Variants in BNC2 observed in about 807,000 individuals in gnomAD.
The protein encoded by BNC2 is basonuclin zinc finger protein 2.
Under a neutral mutation model 76.3 loss-of-function variants are expected in BNC2, and 20 were observed. That is an observed-to-expected ratio of 0.26 (90% confidence interval 0.18 to 0.38). BNC2 has a LOEUF of 0.38. Ranked by LOEUF, BNC2 falls within the 10% of genes least tolerant of loss-of-function variation. The pLI is 1.00. For synonymous variants in BNC2, 582 were observed against 514.8 expected, an observed-to-expected ratio of 1.13 and a Z score of -1.77; for missense variants, 1,382 against 1,399.8, an observed-to-expected ratio of 0.99 and a Z score of 0.20.
chr9:16,658,869 A>G (rs963432713), intron 3 of BNC2, among the ~76,000 whole-genome samples: 2 of 152,174 alleles, frequency 1.3e-5, no homozygotes, highest in Non-Finnish European at 2.9e-5. Context: ...TTTTCCCTCT[A>G]AAAAGCAATG....
chr9:16,594,309 G>A (rs1670652451), intron 3 of BNC2, among the ~76,000 whole-genome samples: 2 of 152,112 alleles, frequency 1.3e-5, no homozygotes, highest in African/African-American at 4.8e-5. Context: ...GTTGTCCCAA[G>A]TTGTGCCAAA....
At chr9:16,486,882 T>C (rs1346232472) in intron 5 of BNC2, among the ~76,000 whole-genome samples, 2 of 152,058 alleles carry the variant, frequency 1.3e-5, no homozygotes, top group East Asian at 3.9e-4. Flanking sequence ...CATGACACCA[T>C]GCCTAATTTT....
In BNC2 at chr9:16,567,806, T is replaced by C. The variant is rs538480099; in HGVS notation, c.434-15041A>G. 2.6e-5 allele frequency among the ~76,000 whole-genome samples: 4 copies of C among 152,280 alleles called. No homozygotes were observed. The South Asian group carries it at 8.3e-4, about 32-fold the overall frequency. ...GTCCTGAGGTCCAGTGGAGTCCATC[T>C]AGCTGTTCAGGCATGGCAGTGTGAA... On this transcript the variant is annotated intron_variant, in intron 4 of 6. Transcript: ENST00000380672.
chr9:16,576,227 A>G (rs1819481886), intron 4 of BNC2, among the ~76,000 whole-genome samples: 1 of 152,224 alleles, frequency 6.6e-6, no homozygotes, highest in Non-Finnish European at 1.5e-5. Context: ...CTTGCTGGGA[A>G]CATTATCTCC....
At chr9:16,814,179 G>A (rs1429816327) in intron 1 of BNC2, among the ~76,000 whole-genome samples, 1 of 152,162 alleles carries the variant, frequency 6.6e-6, no homozygotes, top group Non-Finnish European at 1.5e-5. Flanking sequence ...ATAACTCCAG[G>A]CAAGAGCAAT....
chr9:16,839,851 T>A (rs554911262), intron 1 of BNC2, among the ~76,000 whole-genome samples: 1 of 152,206 alleles, frequency 6.6e-6, no homozygotes, highest in African/African-American at 2.4e-5. Flanking sequence ...GTGGTGCATG[T>A]ACCTACGTAC....
rs547792345 is a variant in BNC2 at position 16,437,694 on chromosome 9, T to C, written c.670-170A>G. ...AGTCAACCCACAAAGCAAACTTTTC[T>C]GCCATGCAAATGTAGTAATTAGAGT... On this transcript the variant is annotated intron_variant, in intron 5 of 6. Transcript: ENST00000380672. Among the ~76,000 whole-genome samples, 400 of 152,334 alleles carry C rather than the reference T, an allele frequency of 2.6e-3. 3 individuals are homozygous for C. Among genetic ancestry groups the C allele is most frequent in the African/African-American group, 9.2e-3 (382 of 41,568 alleles).
intron 3 of BNC2, among the ~76,000 whole-genome samples, chr9:16,590,444 C>G (rs531842149): frequency 6.6e-6 from 1 of 151,868 alleles, no homozygotes; most frequent in African/African-American, 2.4e-5. Flanking sequence ...CCACCTGCCT[C>G]GGCCTCCCAA....
intron 3 of BNC2, among the ~76,000 whole-genome samples, chr9:16,673,735 T>C (rs1822554963): frequency 6.6e-6 from 1 of 152,238 alleles, no homozygotes. Flanking sequence ...TTGACTGTTC[T>C]AATTAATTTC....
At chr9:16,704,810 T>G (rs1823617137) in intron 3 of BNC2, 1 of 152,082 alleles carries the variant, frequency 6.6e-6, no homozygotes, top group Non-Finnish European at 1.5e-5. Context: ...AGTCCTGGCC[T>G]TCGGGCAGAC....
At chr9:16,678,724 G>C (rs1240544409) in intron 3 of BNC2, among the ~76,000 whole-genome samples, 2 of 150,432 alleles carry the variant, frequency 1.3e-5, no homozygotes, top group East Asian at 3.9e-4. Flanking sequence ...TGTGTGTAAA[G>C]GAATGGCTTT....
intron 1 of BNC2, among the ~76,000 whole-genome samples, chr9:16,869,577 T>C (rs1169203087): frequency 2.0e-5 from 3 of 152,172 alleles, no homozygotes; most frequent in Non-Finnish European, 4.4e-5. Context: ...GTTCCCTCTA[T>C]ATACGGAATA....
chr9:16,764,121 G>A (rs923451107), intron 1 of BNC2, among the ~76,000 whole-genome samples: 11 of 152,156 alleles, frequency 7.2e-5, no homozygotes, highest in African/African-American at 2.7e-4. Context: ...ATTCTGTTTA[G>A]GAACTTTAAT....
intron 1 of BNC2, among the ~76,000 whole-genome samples, chr9:16,832,509 G>A (rs143601991): frequency 1.6e-3 from 250 of 152,230 alleles, no homozygotes; most frequent in African/African-American, 5.6e-3. Flanking sequence ...CACCCCACTC[G>A]TGTCCTGACT....
At chr9:16,646,096 C>T (rs990540989) in intron 3 of BNC2, among the ~76,000 whole-genome samples, 1 of 152,202 alleles carries the variant, frequency 6.6e-6, no homozygotes, top group Non-Finnish European at 1.5e-5. Flanking sequence ...AGTTTCACAA[C>T]GTAAGTGAGG....
chr9:16,764,192 A>G (rs555120526), intron 1 of BNC2, among the ~76,000 whole-genome samples: 1 of 152,308 alleles, frequency 6.6e-6, no homozygotes, highest in South Asian at 2.1e-4. Flanking sequence ...AATTGCTTCC[A>G]TACAATTCTG....
At chr9:16,815,720 T>C (rs1019164908) in intron 1 of BNC2, among the ~76,000 whole-genome samples, 1 of 152,214 alleles carries the variant, frequency 6.6e-6, no homozygotes. Flanking sequence ...ACATCAAGAT[T>C]TGTACTACTA....
chr9:16,810,812 C>T (rs778853384), intron 1 of BNC2, among the ~76,000 whole-genome samples: 34 of 152,332 alleles, frequency 2.2e-4, no homozygotes, highest in Middle Eastern at 3.4e-3. Flanking sequence ...CAAGGTGTTG[C>T]TAGACCCTCC....
At chr9:16,534,150 T>C (rs781040654) in intron 5 of BNC2, among the ~76,000 whole-genome samples, 3 of 152,170 alleles carry the variant, frequency 2.0e-5, no homozygotes, top group African/African-American at 7.2e-5. Context: ...AGATGTGATA[T>C]TAGAAGATGC....
Sources: gnomAD v4.1 joint callset for allele counts (sites outside exome capture counted in the v4.1 genomes callset) on GRCh38, gnomAD v4.1.1 for gene constraint, MANE v1.5 for transcripts, NCBI Gene and HGNC (gene_info 2026-07-23, HGNC 2026-07-21) for gene names.